PTPRB: variants seen among roughly 807,000 people sequenced by gnomAD.
PTPRB encodes the protein protein tyrosine phosphatase receptor type B, also known as receptor-type tyrosine-protein phosphatase beta.
In PTPRB, 97 loss-of-function variants were observed where a neutral mutation model predicts 238.1. That is an observed-to-expected ratio of 0.41 (90% CI 0.35 to 0.48). The LOEUF (loss-of-function observed/expected upper bound fraction) is 0.48. Among genes scored for constraint, PTPRB ranks in the 20% least tolerant of loss-of-function variants. PTPRB has a pLI of 0.30. For synonymous variants in PTPRB, 970 were observed against 995.4 expected (o/e 0.97, Z 0.48); for missense variants, 2,292 against 2,681.9 (o/e 0.85, Z 3.21).
chr12:70,529,581 CA>C (rs1872870996), intron 32 of PTPRB, among the ~76,000 whole-genome samples: 1 of 152,076 alleles, frequency 6.6e-6, no homozygotes, highest in Admixed American at 6.6e-5. Context: ...AGGAGGAAAA[CA>C]GGCTCCCACC....
chr12:70,592,747 T>C (rs1882616164), intron 6 of PTPRB, among the ~76,000 whole-genome samples: 1 of 152,186 alleles, frequency 6.6e-6, no homozygotes, highest in Non-Finnish European at 1.5e-5. Context: ...AAAAGTAATG[T>C]TGTAAAACCA....
At chr12:70,538,625 G>A (rs1874546521) in intron 27 of PTPRB, 1 of 472,444 alleles carries the variant, frequency 2.1e-6, no homozygotes, top group African/African-American at 1.9e-5. Flanking sequence ...AGGTCTGCTT[G>A]ATGTCAGAGC....
At chr12:70,536,768 A>G (rs1387259984) in intron 28 of PTPRB, among the ~76,000 whole-genome samples, 1 of 152,156 alleles carries the variant, frequency 6.6e-6, no homozygotes, top group African/African-American at 2.4e-5. Context: ...GGGTCTCCAC[A>G]TTATGTCACC....
intron 3 of PTPRB, among the ~76,000 whole-genome samples, chr12:70,611,502 G>A (rs946338269): frequency 6.6e-6 from 1 of 151,850 alleles, no homozygotes; most frequent in South Asian, 2.1e-4. Context: ...GTTTCACCAC[G>A]TTGACCAGGC....
intron 10 of PTPRB, 105 bp from the exon 11 acceptor site, chr12:70,576,750 G>A (rs1223584000): frequency 1.2e-5 from 8 of 653,508 alleles, no homozygotes; most frequent in Admixed American, 2.6e-5. Flanking sequence ...CACAAACCGT[G>A]GACTCACTCA....
intron 2 of PTPRB, among the ~76,000 whole-genome samples, chr12:70,626,337 ATC>A (rs1885188555): frequency 2.1e-5 from 3 of 146,306 alleles, no homozygotes; most frequent in South Asian, 2.2e-4. Context: ...CTATCTATCT[ATC>A]TATCTATCTA....
intron 23 of PTPRB, 52 bp downstream of exon 23, chr12:70,540,806 G>A: frequency 1.5e-6 from 2 of 1,339,828 alleles, no homozygotes; most frequent in Admixed American, 2.2e-5. Context: ...GGAATTTTCA[G>A]TTGCATTTTT....
At chr12:70,549,314 G>C (rs1352144615) in intron 21 of PTPRB, among the ~76,000 whole-genome samples, 1 of 152,086 alleles carries the variant, frequency 6.6e-6, no homozygotes, top group South Asian at 2.1e-4. Flanking sequence ...AAGAAAACGA[G>C]GTCAGGAGAA....
At chr12:70,551,504 G>C (rs769916288) in intron 21 of PTPRB, among the ~76,000 whole-genome samples, 2 of 152,142 alleles carry the variant, frequency 1.3e-5, no homozygotes, top group Non-Finnish European at 2.9e-5. Flanking sequence ...GAACTCTCTT[G>C]GGTGTAACAG....
chr12:70,601,630 G>C (rs1883495777), intron 4 of PTPRB, among the ~76,000 whole-genome samples: 2 of 152,018 alleles, frequency 1.3e-5, no homozygotes, highest in Non-Finnish European at 2.9e-5. Flanking sequence ...ATAATTGGAG[G>C]ATTACTTGTA....
chr12:70,619,435 T>G (rs1884829345), intron 3 of PTPRB, among the ~76,000 whole-genome samples: 1 of 152,074 alleles, frequency 6.6e-6, no homozygotes, highest in African/African-American at 2.4e-5. Context: ...CATCAAGAAA[T>G]GGAATCTATT....
chr12:70,593,035 A>T (rs1882643752), intron 6 of PTPRB, among the ~76,000 whole-genome samples: 2 of 151,998 alleles, frequency 1.3e-5, no homozygotes. Flanking sequence ...TATTGAGTAC[A>T]TAGTAAATAG....
At chr12:70,617,080 T>A (rs1884712428) in intron 3 of PTPRB, among the ~76,000 whole-genome samples, 1 of 152,242 alleles carries the variant, frequency 6.6e-6, no homozygotes, top group South Asian at 2.1e-4. Flanking sequence ...CAAAACCATG[T>A]TGTTCAAGGG....
chr12:70,579,425 G>A (rs551639374), intron 10 of PTPRB, among the ~76,000 whole-genome samples: 3 of 152,258 alleles, frequency 2.0e-5, no homozygotes, highest in East Asian at 1.9e-4. Context: ...CAGGCCGGGC[G>A]CAGTGGCTCA....
intron 33 of PTPRB, among the ~76,000 whole-genome samples, chr12:70,523,692 G>A (rs1209562299): frequency 1.3e-5 from 2 of 149,456 alleles, no homozygotes; most frequent in Admixed American, 6.7e-5. Flanking sequence ...TCTCTTCCCC[G>A]TTGCCACTCT....
chr12:70,606,690 T>C (rs1464377555), intron 4 of PTPRB, among the ~76,000 whole-genome samples: 2 of 152,232 alleles, frequency 1.3e-5, no homozygotes, highest in Non-Finnish European at 2.9e-5. Flanking sequence ...CTCATCTCTA[T>C]AGCTCAGCAA....
At chr12:70,588,022 G>A (rs1882098459) in intron 8 of PTPRB, among the ~76,000 whole-genome samples, 2 of 151,162 alleles carry the variant, frequency 1.3e-5, no homozygotes, top group Admixed American at 6.6e-5. Flanking sequence ...CTTAAGTGGG[G>A]GAGGTGGAGG....
chr12:70,568,097 C>T lies in PTPRB; in HGVS notation c.3635-1393G>A, dbSNP rs544971240. ...GGAACGAAGACAACTTACACTTCACCTGGATGACTTCTTAGTCTTTCTTTA... is the reference window on the plus strand; with the variant it reads ...GGAACGAAGACAACTTACACTTCACTTGGATGACTTCTTAGTCTTTCTTTA... On this transcript the variant is annotated intron_variant, in intron 14 of 33. Transcript: ENST00000334414. Among the ~76,000 whole-genome samples the T allele has an allele frequency of 1.1e-3, 173 of 152,320 alleles. 1 individual carries two copies. The highest frequency in any genetic ancestry group is 2.0e-3 in the Non-Finnish European group (134 of 68,036).
Position 70,608,853 on chromosome 12 carries a change from A to G in PTPRB, c.979+216T>C, listed in dbSNP as rs557118966. On this transcript the variant is annotated intron_variant, in intron 4 of 33. Coordinates refer to ENST00000334414, the MANE Select transcript of PTPRB (RefSeq NM_001109754.4). The stretch of plus-strand genomic sequence containing the variant: ...CCCCACCCCGACCCTTTCAGTAGCT[A>G]GTTGGCTGTTTTCAGCACTAAGGGA... 9.2e-6 allele frequency: 6 copies of G among 649,538 alleles called. No homozygotes were observed. The East Asian group carries it at 1.5e-4, about 16-fold the overall frequency. 40.2% of individuals were successfully genotyped at this position (649,538 alleles called of 1,614,324 possible). A position where few individuals can be genotyped will look rare whatever the true frequency, so the allele number is the denominator to read the frequency against.
Sources: gnomAD v4.1 joint callset for allele counts (sites outside exome capture counted in the v4.1 genomes callset) on GRCh38, gnomAD v4.1.1 for gene constraint, MANE v1.5 for transcripts, NCBI Gene and HGNC (gene_info 2026-07-23, HGNC 2026-07-21) for gene names.